Variants in PCAT7 observed in about 807,000 individuals in gnomAD.
PCAT7 encodes the protein prostate cancer associated transcript 7.
intron 1 of PCAT7, among the ~76,000 whole-genome samples, chr9:94,555,654 G>C (rs1360891242): frequency 1.3e-5 from 2 of 151,536 alleles, no homozygotes; most frequent in African/African-American, 2.4e-5. Flanking sequence ...GAAGTTTTTG[G>C]GTAGAGGAGC....
intron 2 of PCAT7, among the ~76,000 whole-genome samples, chr9:94,563,636 C>T (rs1044614774): frequency 6.6e-6 from 1 of 152,140 alleles, no homozygotes; most frequent in African/African-American, 2.4e-5. Flanking sequence ...ATTATGAGCT[C>T]CTCAAACCTT....
intron 2 of PCAT7, chr9:94,570,546 T>C (rs762854294): frequency 8.5e-5 from 13 of 152,258 alleles, no homozygotes; most frequent in Non-Finnish European, 1.9e-4. Context: ...TTAGCTGTTA[T>C]TCTACAACAA....
chr9:94,567,149 C>G (rs1461598040), intron 2 of PCAT7: 1 of 959,382 alleles, frequency 1.0e-6, no homozygotes, highest in African/African-American at 1.6e-5. Flanking sequence ...CATCTTCATA[C>G]TGACCACAGC....
At chr9:94,557,699 T>C (rs1827031212) in intron 1 of PCAT7, among the ~76,000 whole-genome samples, 1 of 152,246 alleles carries the variant, frequency 6.6e-6, no homozygotes, top group Non-Finnish European at 1.5e-5. Flanking sequence ...AATAGATTTT[T>C]CCGTGTTGAA....
At chr9:94,559,501 G>A (rs1827062176) in intron 2 of PCAT7, among the ~76,000 whole-genome samples, 3 of 150,530 alleles carry the variant, frequency 2.0e-5, no homozygotes, top group African/African-American at 7.5e-5. Context: ...GCCTTTATAT[G>A]TGAGACCTCA....
chr9:94,558,419 C>T (rs993288307), intron 1 of PCAT7, among the ~76,000 whole-genome samples: 9 of 152,236 alleles, frequency 5.9e-5, no homozygotes, highest in East Asian at 5.8e-4. Flanking sequence ...CTCAGCCTCC[C>T]GAGTAGCTGG....
intron 2 of PCAT7, chr9:94,570,536 T>C (rs1827257240): frequency 6.6e-6 from 1 of 152,242 alleles, no homozygotes; most frequent in Admixed American, 6.5e-5. Flanking sequence ...TATCTAACTC[T>C]TAGCTGTTAT....
chr9:94,566,895 A>G (rs2131445967), intron 2 of PCAT7, among the ~76,000 whole-genome samples: 1 of 152,274 alleles, frequency 6.6e-6, no homozygotes, highest in South Asian at 2.1e-4. Flanking sequence ...AACTTTTTGA[A>G]GGCCTCTCAT....
exon 2 of PCAT7, chr9:94,559,032 T>G: frequency 6.2e-7 from 1 of 1,614,064 alleles, no homozygotes; most frequent in South Asian, 1.1e-5. Context: ...GTGAATTGCC[T>G]CGGGCTTCAC....
chr9:94,558,942 C>T, intron 1 of PCAT7: 1 of 1,614,046 alleles, frequency 6.2e-7, no homozygotes, highest in Non-Finnish European at 8.5e-7. Context: ...AACTCGCTAG[C>T]TGCCTGCCTG....
chr9:94,565,770 TGATAGATA>T (rs34303194), intron 2 of PCAT7, among the ~76,000 whole-genome samples: 50,051 of 148,002 alleles, frequency 0.34, 8,451 homozygotes, highest in African/African-American at 0.39. Context: ...GATACATAGA[TGATAGATA>T]GATAGATAGA....
chr9:94,561,350 GTATTTTTT>G (rs1487291146), intron 2 of PCAT7, among the ~76,000 whole-genome samples: 1 of 59,796 alleles, frequency 1.7e-5, no homozygotes, highest in African/African-American at 4.9e-5. Flanking sequence ...CATGTGACCT[GTATTTTTT>G]TTTTTTTTTT....
At position 94,560,564 on chromosome 9, in the gene PCAT7, T is replaced by C. The variant is rs1364329166; in HGVS notation, n.441+1412T>C. 2.0e-5 allele frequency among the ~76,000 whole-genome samples: 3 copies of C among 152,080 alleles called. No individual in the cohort carries two copies. The East Asian group carries it at 5.8e-4, about 29-fold the overall frequency. On this transcript the variant is annotated intron_variant and non_coding_transcript_variant, in intron 2 of 8. Transcript: ENST00000647389. ...CAAAAGTTCATTCTCCATTATCACC[T>C]TACGAAATGGTTGACCCAGCTATGT...
chr9:94,571,520 C>A lies in PCAT7; in HGVS notation n.442-1459C>A. ...TGTGGAGAGAGCCACCAGGGTTGCA[C>A]TACCGTACAGCGCATAACCTGCGGC... On this transcript the variant is annotated intron_variant and non_coding_transcript_variant, in intron 2 of 8. Transcript: ENST00000647389. 2.5e-6 allele frequency: 4 copies of A among 1,614,056 alleles called. No individual in the cohort carries two copies. Among genetic ancestry groups the A allele is most frequent in the Non-Finnish European group, 3.4e-6 (4 of 1,179,958 alleles).
intron 2 of PCAT7, among the ~76,000 whole-genome samples, chr9:94,561,399 G>A (rs1218281002): frequency 9.2e-6 from 1 of 109,148 alleles, no homozygotes; most frequent in Non-Finnish European, 1.7e-5. Context: ...ATCTCACTCT[G>A]TCACCCAGGC....
chr9:94,558,321 A>T (rs1228256322), intron 1 of PCAT7, among the ~76,000 whole-genome samples: 1 of 152,094 alleles, frequency 6.6e-6, no homozygotes, highest in Non-Finnish European at 1.5e-5. Context: ...TTTAGATGGA[A>T]TCTCACTCTG....
chr9:94,564,203 A>C (rs1053284668), intron 2 of PCAT7, among the ~76,000 whole-genome samples: 2 of 152,224 alleles, frequency 1.3e-5, no homozygotes, highest in Admixed American at 6.5e-5. Flanking sequence ...CACACAGCAC[A>C]TACAGTAAAA....
In PCAT7 at chr9:94,571,513, G is replaced by T. The variant is rs552321762; in HGVS notation, n.442-1466G>T. Reference sequence around the variant, plus strand: ...CTTGCCCTGTGGAGAGAGCCACCAGGGTTGCACTACCGTACAGCGCATAAC... The same window carrying T: ...CTTGCCCTGTGGAGAGAGCCACCAGTGTTGCACTACCGTACAGCGCATAAC... On this transcript the variant is annotated intron_variant and non_coding_transcript_variant, in intron 2 of 8. Transcript: ENST00000647389. 5.0e-6 allele frequency: 8 copies of T among 1,613,992 alleles called. No homozygotes were observed. The South Asian group carries it at 8.8e-5, about 18-fold the overall frequency.
At chr9:94,573,218 A>G (rs1827286568) in intron 3 of PCAT7, among the ~76,000 whole-genome samples, 3 of 152,034 alleles carry the variant, frequency 2.0e-5, no homozygotes, top group South Asian at 4.2e-4. Context: ...GATGTACTTG[A>G]TAGAGTTAAG....
Sources: gnomAD v4.1 joint callset for allele counts (sites outside exome capture counted in the v4.1 genomes callset) on GRCh38, gnomAD v4.1.1 for gene constraint, MANE v1.5 for transcripts, NCBI Gene and HGNC (gene_info 2026-07-23, HGNC 2026-07-21) for gene names.